EXPH5: variants seen among roughly 807,000 people sequenced by gnomAD.
The protein encoded by EXPH5 is exophilin 5.
In EXPH5, 42 loss-of-function variants were observed where a neutral mutation model predicts 41.1. That is an observed-to-expected ratio of 1.02 (90% CI 0.80 to 1.32). The LOEUF is 1.32. EXPH5 is among the 40% of genes most tolerant of loss of function. EXPH5 has a pLI of 0.00. For missense variants in EXPH5, 2,298 were observed against 2,314.5 expected (o/e 0.99, Z 0.15); for synonymous variants, 798 against 833.5 (o/e 0.96, Z 0.73).
upstream of EXPH5, among the ~76,000 whole-genome samples, chr11:108,598,747 T>A (rs1173447306): frequency 4.6e-5 from 7 of 152,032 alleles, no homozygotes; most frequent in African/African-American, 1.4e-4. Flanking sequence ...GGCTGATGTC[T>A]CTGGACCGTG....
chr11:108,522,847 A>G (rs1172453336), intron 4 of EXPH5, among the ~76,000 whole-genome samples: 5 of 151,320 alleles, frequency 3.3e-5, no homozygotes, highest in Admixed American at 1.3e-4. Context: ...ATGTTCAAAC[A>G]CCTTTTTTGC....
At chr11:108,522,232 G>A (rs769835428) in intron 4 of EXPH5, among the ~76,000 whole-genome samples, 2 of 151,646 alleles carry the variant, frequency 1.3e-5, no homozygotes, top group Non-Finnish European at 2.9e-5. Flanking sequence ...TCAATAGTAG[G>A]TATCAGACCT....
intron 1 of EXPH5, among the ~76,000 whole-genome samples, chr11:108,568,360 G>A (rs78169027): frequency 0.082 from 12,412 of 152,102 alleles, 555 homozygotes; most frequent in Non-Finnish European, 0.1. Context: ...CCGGCGTGGT[G>A]GTTCCTGAGA....
At position 108,571,063 on chromosome 11, in the gene EXPH5, A is replaced by G. The variant is rs114692349; in HGVS notation, c.119+22355T>C. On this transcript the variant is annotated intron_variant, in intron 1 of 5. Transcript: ENST00000265843. ...ACATGGGGGAAATGAAAGGAAGTCT[A>G]AGGAAGAAGCTGGAGCCTCAGCTCG... 1.1e-3 allele frequency among the ~76,000 whole-genome samples: 163 copies of G among 152,316 alleles called. 1 individual carries two copies. The highest frequency in any genetic ancestry group is 3.6e-3 in the African/African-American group (149 of 41,584).
rs766982740 is a variant in EXPH5 at position 108,593,568 on chromosome 11, T to C, written c.-32A>G. On this transcript the variant is annotated 5_prime_UTR_variant, in exon 1 of 6. Coordinates refer to ENST00000265843, the MANE Select transcript of EXPH5 (RefSeq NM_015065.3). ...TACTGTGTGTGAGTTACACTTAAGC[T>C]CCTTGGCGCCTCCTGTTAGGAAGGC... 6.2e-7 allele frequency: 1 copy of C among 1,613,776 alleles called. No homozygotes were observed. The highest frequency in any genetic ancestry group is 1.1e-5 in the South Asian group (1 of 91,048).
rs112898388 is a variant in EXPH5, at chr11:108,580,521, A to G, written c.119+12897T>C. ...TGGAAGGTCCTTCAAGACACTACAT[A>G]TAGAATACCATATGATCCAGCAATT... On this transcript the variant is annotated intron_variant, in intron 1 of 5. Transcript: ENST00000265843. Among the ~76,000 whole-genome samples, 19 of 152,354 alleles carry G rather than the reference A, an allele frequency of 1.2e-4. 1 individual carries two copies. Among genetic ancestry groups the G allele is most frequent in the African/African-American group, 4.6e-4 (19 of 41,588 alleles).
intron 1 of EXPH5, among the ~76,000 whole-genome samples, chr11:108,592,974 G>A (rs369208490): frequency 2.1e-3 from 316 of 152,386 alleles, no homozygotes; most frequent in African/African-American, 7.3e-3. Flanking sequence ...AGGCGAGGGT[G>A]GAAGCTCTGT....
chr11:108,592,112 G>T (rs952084737), intron 1 of EXPH5, among the ~76,000 whole-genome samples: 1 of 152,142 alleles, frequency 6.6e-6, no homozygotes, highest in Non-Finnish European at 1.5e-5. Flanking sequence ...TTATGCACGT[G>T]GGTGTGTGTG....
chr11:108,526,460 AT>A (rs1041656151), intron 4 of EXPH5, among the ~76,000 whole-genome samples: 6 of 152,158 alleles, frequency 3.9e-5, no homozygotes, highest in African/African-American at 1.4e-4. Context: ...TTCTTTTTAC[AT>A]TCCTTTTCTG....
At chr11:108,596,110 G>T (rs371943520), upstream of EXPH5, among the ~76,000 whole-genome samples, 20 of 151,934 alleles carry the variant, frequency 1.3e-4, no homozygotes, top group African/African-American at 4.8e-4. Context: ...CAGGAGAATC[G>T]CTTGAACCCG....
chr11:108,587,539 A>G (rs2094116889), intron 1 of EXPH5, among the ~76,000 whole-genome samples: 1 of 152,220 alleles, frequency 6.6e-6, no homozygotes, highest in Non-Finnish European at 1.5e-5. Flanking sequence ...CTTACCATGT[A>G]CCAACTTACC....
At chr11:108,525,101 C>G (rs2093789486) in intron 4 of EXPH5, among the ~76,000 whole-genome samples, 1 of 152,336 alleles carries the variant, frequency 6.6e-6, no homozygotes, top group East Asian at 1.9e-4. Flanking sequence ...CTCATTCTCT[C>G]TTGCTTGCCA....
At chr11:108,532,663 A>T (rs1203454696) in intron 3 of EXPH5, among the ~76,000 whole-genome samples, 1 of 152,006 alleles carries the variant, frequency 6.6e-6, no homozygotes, top group African/African-American at 2.4e-5. Context: ...GAAACGAAAA[A>T]CAAAAACAAA....
At chr11:108,605,938 G>A in the EXPH5 span, among the ~76,000 whole-genome samples, 1 of 152,172 alleles carries the variant, frequency 6.6e-6, no homozygotes, top group Admixed American at 6.5e-5. Flanking sequence ...GAAATAGAAA[G>A]CAGACTTGTT....
intron 1 of EXPH5, among the ~76,000 whole-genome samples, chr11:108,590,750 G>A (rs1020854351): frequency 1.3e-5 from 2 of 152,180 alleles, no homozygotes; most frequent in Non-Finnish European, 2.9e-5. Flanking sequence ...GAGCTCAAGG[G>A]ATCCTCCCAC....
intron 1 of EXPH5, among the ~76,000 whole-genome samples, chr11:108,555,448 G>A (rs1328134371): frequency 6.6e-6 from 1 of 152,138 alleles, no homozygotes; most frequent in African/African-American, 2.4e-5. Context: ...GAATACATTA[G>A]TGTACAAAAG....
chr11:108,512,457 G>A lies in EXPH5; in HGVS notation c.3050C>T (p.Thr1017Ile). ...QSNSKVSELD[T>I]IYCTLPRKSS... ...TTTTCTTGGCAAGGTACAATAAATTGTGTCAAGTTCAGAAACTTTGGAATT... is the reference window on the plus strand; with the variant it reads ...TTTTCTTGGCAAGGTACAATAAATTATGTCAAGTTCAGAAACTTTGGAATT... The change falls in exon 6 of 6, where the codon ACA becomes ATA. Residue 1017 changes from threonine (T) to isoleucine (I), a missense_variant. Physicochemically the swap from Thr to Ile is moderately conservative, Grantham distance 89 (BLOSUM62 -1). Coordinates refer to ENST00000265843, the MANE Select transcript of EXPH5 (RefSeq NM_015065.3). 6.2e-7 allele frequency: 1 copy of A among 1,613,878 alleles called. No homozygotes were observed. The highest frequency in any genetic ancestry group is 1.3e-5 in the African/African-American group (1 of 75,026).
At chr11:108,516,703 T>C (rs1450581193) in intron 5 of EXPH5, among the ~76,000 whole-genome samples, 1 of 152,208 alleles carries the variant, frequency 6.6e-6, no homozygotes, top group Non-Finnish European at 1.5e-5. Flanking sequence ...TATTTGCAAG[T>C]TGGTGTTATT....
chr11:108,544,621 T>G (rs1193349268), intron 1 of EXPH5, among the ~76,000 whole-genome samples: 1 of 152,206 alleles, frequency 6.6e-6, no homozygotes, highest in African/African-American at 2.4e-5. Context: ...TCAAACACTT[T>G]GAATTCCACT....
Sources: allele counts gnomAD v4.1 joint callset (sites outside exome capture counted in the v4.1 genomes callset), GRCh38; gene constraint gnomAD v4.1.1; transcripts MANE v1.5; gene names NCBI Gene and HGNC (gene_info 2026-07-23, HGNC 2026-07-21).